PAPPA2: variants seen among roughly 807,000 people sequenced by gnomAD.
The protein encoded by PAPPA2 is pappalysin 2.
PAPPA2 carries 86 observed loss-of-function variants against 176.4 expected under a neutral mutation model. That is an observed-to-expected ratio of 0.49 (90% CI 0.41 to 0.58). The LOEUF is 0.58. PAPPA2 is among the 20% of genes least tolerant of loss of function. PAPPA2 has a pLI of 0.00. For synonymous variants in PAPPA2, 809 were observed against 852.2 expected (o/e 0.95, Z 0.88); for missense variants, 2,073 against 2,256.9 (o/e 0.92, Z 1.65).
At position 176,710,021 on chromosome 1, in the gene PAPPA2, A is replaced by T. The variant is rs199691244; in HGVS notation, c.3496A>T (p.Ile1166Leu). Residue 1166 changes from isoleucine to leucine, a missense_variant, in exon 11 of 23, where the codon ATA (isoleucine) becomes TTA (leucine). This residue lies in a region of PAPPA2 where 846 missense variants were observed against 857.9 expected (regional missense o/e 0.99). Coordinates refer to ENST00000367662, the MANE Select transcript of PAPPA2 (RefSeq NM_020318.3). ...SLCYMYEGDG[I>L]CEPFERKTSI... is the part of the protein sequence containing the mutation. ...TTGCTACATGTATGAGGGAGATGGC[A>T]TATGTGAACCTTTTGAGAGAAAAAC... 2 of 1,613,378 alleles carry T rather than the reference A, an allele frequency of 1.2e-6. No homozygotes were observed. The highest frequency in any genetic ancestry group is 1.1e-5 in the South Asian group (1 of 90,958).
intron 1 of PAPPA2, among the ~76,000 whole-genome samples, chr1:176,535,156 CG>C (rs1311387764): frequency 6.6e-6 from 1 of 152,054 alleles, no homozygotes; most frequent in Non-Finnish European, 1.5e-5. Context: ...ATAAAATGTG[CG>C]AAAAAAGTGT....
chr1:176,730,114 TA>T (rs1395270998), intron 12 of PAPPA2, among the ~76,000 whole-genome samples: 1 of 151,942 alleles, frequency 6.6e-6, no homozygotes, highest in Non-Finnish European at 1.5e-5. Flanking sequence ...ATTTTTTGAA[TA>T]TTCCAATTAT....
chr1:176,803,376 C>T (rs1027168889), intron 21 of PAPPA2, among the ~76,000 whole-genome samples: 1 of 152,050 alleles, frequency 6.6e-6, no homozygotes, highest in African/African-American at 2.4e-5. Flanking sequence ...ATGAGTAAAG[C>T]AGAATGCAGG....
In PAPPA2 at chr1:176,702,604, C is replaced by T; in HGVS notation, c.3237-3C>T. The T allele has an allele frequency of 6.2e-7, 1 of 1,613,904 alleles. No homozygotes were observed. Among genetic ancestry groups the T allele is most frequent in the East Asian group, 2.2e-5 (1 of 44,864 alleles). On this transcript the variant is annotated splice_polypyrimidine_tract_variant and splice_region_variant and intron_variant, in intron 8 of 22. Coordinates refer to ENST00000367662, the MANE Select transcript of PAPPA2 (RefSeq NM_020318.3). ...GTGGTCACAAACCCTTTGGTTTCCA[C>T]AGGGAGGTCACACCTGGACAGATGT...
intron 3 of PAPPA2, among the ~76,000 whole-genome samples, chr1:176,642,796 A>G (rs564897877): frequency 1.3e-5 from 2 of 152,072 alleles, no homozygotes; most frequent in Admixed American, 1.3e-4. Context: ...GGTAAAAAAG[A>G]ACAGAAAATG....
intron 14 of PAPPA2, among the ~76,000 whole-genome samples, chr1:176,759,183 C>T (rs565616150): frequency 6.6e-6 from 1 of 152,318 alleles, no homozygotes; most frequent in East Asian, 1.9e-4. Context: ...GGGATACTGA[C>T]TTTAGAGAAG....
At position 176,775,214 on chromosome 1, in the gene PAPPA2, G is replaced by A. The variant is rs1453090133; in HGVS notation, c.4715+4034G>A. Among the ~76,000 whole-genome samples the A allele has an allele frequency of 2.0e-5, 3 of 152,036 alleles. No homozygotes were observed. In the South Asian group the frequency reaches 6.2e-4, roughly 32 times the overall value. On this transcript the variant is annotated intron_variant, in intron 17 of 22. Coordinates refer to ENST00000367662, the MANE Select transcript of PAPPA2 (RefSeq NM_020318.3). ...GACCATGAATATTTTGCTTAGCATC[G>A]TGTGCCCAGTGACTAGCTACTTATT...
chr1:176,740,208 C>A lies in PAPPA2; in HGVS notation c.4151+12C>A. ...CATCAGGGACAGAGGTACAAACTTC[C>A]CTTTCTTTCTTTTGTTTCCTTTTCT... On this transcript the variant is annotated intron_variant, in intron 14 of 22. Coordinates refer to ENST00000367662, the MANE Select transcript of PAPPA2 (RefSeq NM_020318.3). 6.2e-7 allele frequency: 1 copy of A among 1,609,082 alleles called. No homozygotes were observed.
At chr1:176,793,704 T>C (rs1665290871) in intron 20 of PAPPA2, 35 bp downstream of exon 20, 2 of 1,475,614 alleles carry the variant, frequency 1.4e-6, no homozygotes, top group Admixed American at 1.9e-5. Flanking sequence ...GCCAAAGACA[T>C]GAGTCTGCTG....
chr1:176,554,182 G>A (rs1031329152), intron 1 of PAPPA2, among the ~76,000 whole-genome samples: 3 of 152,108 alleles, frequency 2.0e-5, no homozygotes, highest in Non-Finnish European at 2.9e-5. Flanking sequence ...ATGCAAACAA[G>A]TCAGTTCTTA....
chr1:176,555,250 T>C (rs1177513991), intron 1 of PAPPA2, among the ~76,000 whole-genome samples, 157 bp from the exon 2 acceptor site: 1 of 152,130 alleles, frequency 6.6e-6, no homozygotes, highest in Non-Finnish European at 1.5e-5. Context: ...GACATCATCA[T>C]TGTCTTTAAA....
chr1:176,671,613 C>T (rs1344365487), intron 4 of PAPPA2, among the ~76,000 whole-genome samples: 1 of 151,998 alleles, frequency 6.6e-6, no homozygotes, highest in Non-Finnish European at 1.5e-5. Flanking sequence ...CTACTGAACA[C>T]TTAAGAAAGA....
Position 176,765,824 on chromosome 1 carries a change from T to C in PAPPA2, c.4310T>C (p.Ile1437Thr). ...CTTCAGGCCAGCAGTGGGCAGTACA[T>C]CAGGCCCATGCAGGTGAGTTGAAAG... ...FALQASSGQY[I>T]RPMQKEILLT... is the part of the protein sequence containing the mutation. The change falls in exon 15 of 23, where the codon ATC (isoleucine) becomes ACC (threonine). Residue 1437 changes from isoleucine to threonine, a missense_variant. Physicochemically the swap from Ile to Thr is moderately conservative, Grantham distance 89 (BLOSUM62 -1). Around this residue, in one of 4 missense-constraint regions of PAPPA2, gnomAD observed 846 missense variants for 857.9 expected, o/e 0.99. Transcript: ENST00000367662. 2 of 1,613,950 alleles carry C rather than the reference T, an allele frequency of 1.2e-6. No individual in the cohort carries two copies. The highest frequency in any genetic ancestry group is 8.5e-7 in the Non-Finnish European group (1 of 1,179,956).
chr1:176,793,771 C>T, intron 20 of PAPPA2, 102 bp downstream of exon 20: 1 of 771,778 alleles, frequency 1.3e-6, no homozygotes, highest in Non-Finnish European at 2.0e-6. Flanking sequence ...AAAGCATCCT[C>T]AAAGCAAACA....
intron 1 of PAPPA2, among the ~76,000 whole-genome samples, chr1:176,519,349 C>CT (rs1649090356): frequency 6.6e-6 from 1 of 152,056 alleles, no homozygotes; most frequent in Non-Finnish European, 1.5e-5. Context: ...CTCCTGGAGA[C>CT]TACAGAGTCT....
chr1:176,623,323 A>T (rs1437924760), intron 3 of PAPPA2, among the ~76,000 whole-genome samples: 1 of 152,144 alleles, frequency 6.6e-6, no homozygotes, highest in Non-Finnish European at 1.5e-5. Flanking sequence ...TTTAATTCAG[A>T]GAGGTGAAAC....
intron 3 of PAPPA2, among the ~76,000 whole-genome samples, chr1:176,666,692 A>G (rs901805070): frequency 6.6e-6 from 1 of 151,856 alleles, no homozygotes; most frequent in Non-Finnish European, 1.5e-5. Flanking sequence ...ATATCATCAA[A>G]GAAGGAGGTA....
chr1:176,490,704 GA>G (rs1240929763), intron 1 of PAPPA2, among the ~76,000 whole-genome samples: 1 of 152,154 alleles, frequency 6.6e-6, no homozygotes, highest in Non-Finnish European at 1.5e-5. Flanking sequence ...GCCAGTGCAG[GA>G]ATCAGCTGGC....
chr1:176,799,291 GA>G (rs1309056532), intron 20 of PAPPA2, among the ~76,000 whole-genome samples: 3 of 152,148 alleles, frequency 2.0e-5, no homozygotes, highest in Non-Finnish European at 1.5e-5. Flanking sequence ...AAAGTTTTGT[GA>G]AAATGAGTTA....
Sources: gnomAD v4.1 joint callset for allele counts (sites outside exome capture counted in the v4.1 genomes callset) on GRCh38, gnomAD v4.1.1 for gene constraint, gnomAD v4.1.1 regional missense constraint, MANE v1.5 for transcripts, NCBI Gene and HGNC (gene_info 2026-07-23, HGNC 2026-07-21) for gene names.